NUP107: variants seen among roughly 807,000 people sequenced by gnomAD.
NUP107 encodes nuclear pore complex protein Nup107.
Under a neutral mutation model 141.0 loss-of-function variants are expected in NUP107, and 101 were observed. The observed-to-expected ratio is 0.72, with a 90% CI of 0.61 to 0.84. The LOEUF (loss-of-function observed/expected upper bound fraction) is 0.84. Ranked by LOEUF, NUP107 falls within the 40% of genes least tolerant of loss-of-function variation. NUP107 has a pLI of 0.00. For synonymous variants in NUP107, 319 were observed against 363.9 expected (o/e 0.88, Z 1.41); for missense variants, 941 against 1,102.7 (o/e 0.85, Z 2.08).
intron 5 of NUP107, among the ~76,000 whole-genome samples, chr12:68,693,209 C>T (rs1033064699): frequency 1.3e-5 from 2 of 151,988 alleles, no homozygotes; most frequent in Non-Finnish European, 2.9e-5. Flanking sequence ...TCCTGAGTAG[C>T]TGAGATTACA....
intron 18 of NUP107, among the ~76,000 whole-genome samples, chr12:68,726,037 G>C (rs1014144074): frequency 1.3e-5 from 2 of 151,902 alleles, no homozygotes; most frequent in African/African-American, 4.8e-5. Context: ...GGGTTTCGCT[G>C]TTGGCCAGGC....
rs1284581806 is a variant in NUP107 at position 68,744,092 on chromosome 12, A to G, written c.*1630A>G. ...CAACCCAGGGTGACTATTTCCAAAG[A>G]CTGTTACCTATTTGTTGAACAACAG... On this transcript the variant is annotated 3_prime_UTR_variant, in exon 28 of 28. Transcript: ENST00000229179. 5 of 152,316 alleles carry G rather than the reference A, an allele frequency of 3.3e-5. No homozygotes were observed. The East Asian group carries it at 9.6e-4, about 29-fold the overall frequency. 9.4% of individuals were successfully genotyped at this position (152,316 alleles called of 1,614,324 possible).
At chr12:68,688,592 G>C (rs1048314890) in intron 1 of NUP107, among the ~76,000 whole-genome samples, 5 of 152,288 alleles carry the variant, frequency 3.3e-5, no homozygotes, top group Non-Finnish European at 7.4e-5. Context: ...AATCTTTTAA[G>C]AGAGAATTCC....
At chr12:68,695,762 G>A (rs1876021351) in intron 5 of NUP107, among the ~76,000 whole-genome samples, 1 of 152,156 alleles carries the variant, frequency 6.6e-6, no homozygotes, top group Non-Finnish European at 1.5e-5. Flanking sequence ...AAATGATTAA[G>A]CCAGGGATAG....
intron 14 of NUP107, among the ~76,000 whole-genome samples, chr12:68,720,059 T>A (rs1456870276): frequency 6.6e-6 from 1 of 152,120 alleles, no homozygotes; most frequent in Non-Finnish European, 1.5e-5. Context: ...TGGAGTAGAA[T>A]GCTTATAAAG....
chr12:68,737,556 G>C (rs1878130457), intron 26 of NUP107, among the ~76,000 whole-genome samples: 1 of 94,720 alleles, frequency 1.1e-5, no homozygotes, highest in African/African-American at 4.4e-5. Flanking sequence ...GTGAGACCCT[G>C]TCTCAAAAAA....
chr12:68,713,959 C>A, intron 11 of NUP107, 151 bp downstream of exon 11: 1 of 590,162 alleles, frequency 1.7e-6, no homozygotes. Context: ...GCATTGGAAT[C>A]TGATGGAATA....
At chr12:68,733,715 T>G in intron 24 of NUP107, 103 bp downstream of exon 24, 4 of 1,173,824 alleles carry the variant, frequency 3.4e-6, no homozygotes, top group Non-Finnish European at 2.4e-6. Flanking sequence ...TGGTTCATCT[T>G]ACCTCTCTTG....
intron 17 of NUP107, among the ~76,000 whole-genome samples, chr12:68,722,888 T>C (rs1877413836): frequency 6.6e-6 from 1 of 152,232 alleles, no homozygotes; most frequent in South Asian, 2.1e-4. Flanking sequence ...AGTGCTGTAA[T>C]GAAGTTACAT....
rs113068982 is a variant in NUP107, at chr12:68,735,409, T to C, written c.2502+65T>C. On this transcript the variant is annotated intron_variant, in intron 26 of 27. Coordinates refer to ENST00000229179, the MANE Select transcript of NUP107 (RefSeq NM_020401.4). ...CTCACCATGTTCTTTTTTAAAAATA[T>C]TCTGTCTCTAAATGGGAGCATCTAC... The C allele has an allele frequency of 3.3e-5, 38 of 1,134,642 alleles. No homozygotes were observed. In the African/African-American group the frequency reaches 4.4e-4, roughly 13 times the overall value. The allele number at this position is 1,134,642 out of a possible 1,614,324, so 70.3% of individuals were successfully genotyped here.
chr12:68,687,087 G>T lies in NUP107; in HGVS notation c.8+14G>T. ...AGCCATGGACAGGTCAGTACTGATG[G>T]TGGCAGCTGAGCCCGAAGTCTTGCC... On this transcript the variant is annotated intron_variant, in intron 1 of 27. Transcript: ENST00000229179. 1 of 1,614,012 alleles carries T rather than the reference G, an allele frequency of 6.2e-7. No homozygotes were observed. Among genetic ancestry groups the T allele is most frequent in the Non-Finnish European group, 8.5e-7 (1 of 1,179,900 alleles).
At position 68,721,110 on chromosome 12, in the gene NUP107, T is replaced by G; in HGVS notation, c.1252-8T>G. 1 of 1,566,704 alleles carries G rather than the reference T, an allele frequency of 6.4e-7. No homozygotes were observed. Among genetic ancestry groups the G allele is most frequent in the Non-Finnish European group, 8.7e-7 (1 of 1,142,982 alleles). ...ATTTCAAATTTGTTTATATTCATTG[T>G]GTTTTAGGAGCTTTTTAATAGATAC... On this transcript the variant is annotated splice_polypyrimidine_tract_variant and splice_region_variant and intron_variant, in intron 14 of 27. Coordinates refer to ENST00000229179, the MANE Select transcript of NUP107 (RefSeq NM_020401.4).
At chr12:68,689,492 C>G in intron 2 of NUP107, 41 bp from the exon 3 acceptor site, 1 of 1,125,440 alleles carries the variant, frequency 8.9e-7, no homozygotes, top group Admixed American at 2.3e-5. Context: ...TTTTAGTGAT[C>G]TCTTTTCTAC....
chr12:68,719,484 A>C, intron 13 of NUP107, 53 bp downstream of exon 13: 2 of 1,568,344 alleles, frequency 1.3e-6, no homozygotes, highest in Non-Finnish European at 1.8e-6. Context: ...TTTCGCTCTA[A>C]ATGCCAATCT....
intron 26 of NUP107, among the ~76,000 whole-genome samples, chr12:68,737,694 TTAAAAC>T (rs1233398936): frequency 6.6e-6 from 1 of 151,734 alleles, no homozygotes; most frequent in Non-Finnish European, 1.5e-5. Context: ...AATTATTTCT[TTAAAAC>T]TAATCCAGAA....
chr12:68,732,923 TC>T, intron 23 of NUP107, 184 bp downstream of exon 23: 3 of 406,314 alleles, frequency 7.4e-6, no homozygotes, highest in Non-Finnish European at 1.3e-5. Flanking sequence ...CCTGAAGCAA[TC>T]CTCCCACCTC....
At chr12:68,733,662 C>T (rs774962164) in intron 24 of NUP107, 50 bp downstream of exon 24, 27 of 1,552,832 alleles carry the variant, frequency 1.7e-5, no homozygotes, top group Admixed American at 1.4e-4. Flanking sequence ...GATGATTTTT[C>T]GGATTCACTC....
intron 9 of NUP107, 30 bp downstream of exon 9, chr12:68,709,339 T>A: frequency 1.5e-6 from 2 of 1,346,364 alleles, no homozygotes; most frequent in Non-Finnish European, 2.1e-6. Context: ...TTTTTTTTTA[T>A]GAAACATGGA....
At chr12:68,728,178 A>G (rs2136040267) in intron 20 of NUP107, among the ~76,000 whole-genome samples, 1 of 151,342 alleles carries the variant, frequency 6.6e-6, no homozygotes, top group African/African-American at 2.4e-5. Flanking sequence ...AAACCCAGCT[A>G]CTCGGGAGGC....
Sources: gnomAD v4.1 joint callset for allele counts (sites outside exome capture counted in the v4.1 genomes callset) on GRCh38, gnomAD v4.1.1 for gene constraint, MANE v1.5 for transcripts, NCBI Gene and HGNC (gene_info 2026-07-23, HGNC 2026-07-21) for gene names.